Variants in DLGAP1 observed in about 807,000 individuals in gnomAD.
DLGAP1 encodes the protein disks large-associated protein 1.
In DLGAP1, 11 loss-of-function variants were observed where a neutral mutation model predicts 90.8. That is an observed-to-expected ratio of 0.12 (90% CI 0.08 to 0.20). The LOEUF is 0.20. Among genes scored for constraint, DLGAP1 ranks in the 10% least tolerant of loss-of-function variants. The probability of loss-of-function intolerance (pLI) is 1.00; values close to 1 mark genes in which losing one functional copy is unlikely to be tolerated. For missense variants in DLGAP1, 1,050 were observed against 1,333.8 expected (o/e 0.79, Z 3.31); for synonymous variants, 558 against 540.7 (o/e 1.03, Z -0.44).
chr18:4,453,353 TA>T (rs1466051868), intron 1 of DLGAP1, among the ~76,000 whole-genome samples: 4 of 142,986 alleles, frequency 2.8e-5, no homozygotes, highest in African/African-American at 1.1e-4. Context: ...TTTAAAAACT[TA>T]AAGAAAACTT....
At chr18:4,269,563 C>A (rs893145769) in intron 1 of DLGAP1, among the ~76,000 whole-genome samples, 1 of 151,706 alleles carries the variant, frequency 6.6e-6, no homozygotes, top group Non-Finnish European at 1.5e-5. Flanking sequence ...ACCGTGTTAG[C>A]CAGGATGGTC....
intron 1 of DLGAP1, among the ~76,000 whole-genome samples, chr18:4,302,687 C>T (rs1329690304): frequency 6.6e-6 from 1 of 151,952 alleles, no homozygotes; most frequent in Non-Finnish European, 1.5e-5. Context: ...TTAGAATTGC[C>T]TTGGCTTATT....
chr18:4,145,202 A>G (rs1451940573), intron 2 of DLGAP1, among the ~76,000 whole-genome samples: 1 of 152,218 alleles, frequency 6.6e-6, no homozygotes, highest in Non-Finnish European at 1.5e-5. Flanking sequence ...TATGATTATC[A>G]TCCTGATAGT....
At chr18:3,844,533 T>C (rs927951110) in intron 4 of DLGAP1, among the ~76,000 whole-genome samples, 3 of 152,192 alleles carry the variant, frequency 2.0e-5, no homozygotes, top group Admixed American at 6.6e-5. Flanking sequence ...AAGGTAGCAA[T>C]AGAAGTCTCA....
chr18:3,651,365 A>AAAAC (rs1009805645), intron 7 of DLGAP1, among the ~76,000 whole-genome samples: 6 of 152,186 alleles, frequency 3.9e-5, no homozygotes, highest in East Asian at 1.9e-4. Flanking sequence ...CTAAAAAACA[A>AAAAC]AAACAAACAA....
intron 2 of DLGAP1, among the ~76,000 whole-genome samples, chr18:4,095,958 G>T (rs998488816): frequency 2.6e-5 from 4 of 152,108 alleles, no homozygotes; most frequent in African/African-American, 9.7e-5. Context: ...AAGAGCCTGT[G>T]TTTACCTGAA....
At chr18:4,231,442 A>G (rs546573719) in intron 1 of DLGAP1, among the ~76,000 whole-genome samples, 1 of 152,262 alleles carries the variant, frequency 6.6e-6, no homozygotes, top group African/African-American at 2.4e-5. Flanking sequence ...GTAAAGCAAG[A>G]GATTATCAGA....
chr18:3,834,687 A>G (rs1210689077), intron 4 of DLGAP1, among the ~76,000 whole-genome samples: 1 of 152,216 alleles, frequency 6.6e-6, no homozygotes, highest in Non-Finnish European at 1.5e-5. Flanking sequence ...GGTAACAGTG[A>G]TGGCTGCCTT....
intron 4 of DLGAP1, among the ~76,000 whole-genome samples, chr18:3,866,135 A>G (rs1218810324): frequency 6.6e-6 from 1 of 152,216 alleles, no homozygotes. Flanking sequence ...TTGTAGTCTG[A>G]GTCAATCAGG....
At chr18:4,354,341 C>CCTAT (rs2144018223) in intron 1 of DLGAP1, among the ~76,000 whole-genome samples, 1 of 152,156 alleles carries the variant, frequency 6.6e-6, no homozygotes, top group East Asian at 1.9e-4. Flanking sequence ...AGAAATCTGA[C>CCTAT]CTATCTCCTT....
At chr18:4,302,187 T>C (rs1016207992) in intron 1 of DLGAP1, among the ~76,000 whole-genome samples, 8 of 152,208 alleles carry the variant, frequency 5.3e-5, no homozygotes, top group Non-Finnish European at 7.3e-5. Context: ...TGCCTGCATT[T>C]TTGGAGTCAG....
Position 4,455,075 on chromosome 18 carries a change from G to GGA in DLGAP1, c.-338_-337dup, listed in dbSNP as rs1555621649. The GGA allele has an allele frequency of 4.0e-5, 6 of 151,882 alleles. No individual in the cohort carries two copies. Among genetic ancestry groups the GGA allele is most frequent in the African/African-American group, 1.4e-4 (6 of 41,416 alleles). The allele number at this position is 151,882 out of a possible 1,614,324, so 9.4% of individuals were successfully genotyped here. A position where few individuals can be genotyped will look rare whatever the true frequency, so the allele number is the denominator to read the frequency against. On this transcript the variant is annotated 5_prime_UTR_variant, in exon 1 of 13. Coordinates refer to ENST00000315677, the MANE Select transcript of DLGAP1 (RefSeq NM_004746.4). ...GTTGGTCCCACGAGCCTCGGAGGAA[G>GGA]GAGAGAGATGTCCCCGCGACCAGGA...
chr18:4,181,130 T>C (rs2077201234), intron 1 of DLGAP1, among the ~76,000 whole-genome samples: 1 of 152,224 alleles, frequency 6.6e-6, no homozygotes, highest in Non-Finnish European at 1.5e-5. Context: ...ATCTCTTTTA[T>C]AAAATAGAGT....
intron 1 of DLGAP1, among the ~76,000 whole-genome samples, chr18:4,153,867 A>T (rs1427732615): frequency 6.6e-6 from 1 of 152,130 alleles, no homozygotes; most frequent in African/African-American, 2.4e-5. Flanking sequence ...TTGGACCAGG[A>T]GAGGTGTTTT....
chr18:3,991,021 C>T (rs1170057089), intron 3 of DLGAP1, among the ~76,000 whole-genome samples: 1 of 151,860 alleles, frequency 6.6e-6, no homozygotes, highest in Non-Finnish European at 1.5e-5. Context: ...TCAAGGGGTA[C>T]ATGAGCAGGT....
chr18:4,126,161 T>G (rs73386715), intron 2 of DLGAP1, among the ~76,000 whole-genome samples: 5,002 of 152,238 alleles, frequency 0.033, 290 homozygotes, highest in African/African-American at 0.11. Flanking sequence ...AAGTGAGTCC[T>G]CTCATGGGTA....
intron 2 of DLGAP1, among the ~76,000 whole-genome samples, chr18:4,096,057 G>A (rs543644383): frequency 1.1e-4 from 16 of 152,242 alleles, no homozygotes; most frequent in African/African-American, 3.4e-4. Flanking sequence ...ACAAAGTCTC[G>A]CTTTGTCGGC....
intron 8 of DLGAP1, among the ~76,000 whole-genome samples, chr18:3,574,794 A>C (rs2055011105): frequency 1.1e-5 from 1 of 90,366 alleles, no homozygotes; most frequent in Non-Finnish European, 2.2e-5. Flanking sequence ...ATTTTATTTT[A>C]TTTTATTTTA....
chr18:4,301,597 G>A (rs2080127302), intron 1 of DLGAP1, among the ~76,000 whole-genome samples: 1 of 152,194 alleles, frequency 6.6e-6, no homozygotes, highest in South Asian at 2.1e-4. Context: ...CAATGCTGCA[G>A]TGAACACGGA....
Sources: allele counts gnomAD v4.1 joint callset (sites outside exome capture counted in the v4.1 genomes callset), GRCh38; gene constraint gnomAD v4.1.1; transcripts MANE v1.5; gene names NCBI Gene and HGNC (gene_info 2026-07-23, HGNC 2026-07-21).